Variants in SLC38A1 observed in about 807,000 individuals in gnomAD.
SLC38A1 encodes solute carrier family 38 member 1, also known as sodium-coupled neutral amino acid symporter 1.
SLC38A1 carries 18 observed loss-of-function variants against 60.3 expected under a neutral mutation model. That is an observed-to-expected ratio of 0.30 (90% CI 0.21 to 0.44). The LOEUF is 0.44. Among genes scored for constraint, SLC38A1 ranks in the 20% least tolerant of loss-of-function variants. SLC38A1 has a pLI of 1.00. For synonymous variants in SLC38A1, 196 were observed against 212.1 expected, an observed-to-expected ratio of 0.92 and a Z score of 0.66; for missense variants, 448 against 587.2, an observed-to-expected ratio of 0.76 and a Z score of 2.45.
intron 1 of SLC38A1, among the ~76,000 whole-genome samples, chr12:46,266,176 T>TCC (rs1942345891): frequency 6.6e-6 from 1 of 152,132 alleles, no homozygotes; most frequent in Non-Finnish European, 1.5e-5. Context: ...AACAAGTATT[T>TCC]ATTAAGCAGG....
chr12:46,264,300 A>T (rs1565802640), intron 1 of SLC38A1, among the ~76,000 whole-genome samples: 1 of 152,216 alleles, frequency 6.6e-6, no homozygotes, highest in South Asian at 2.1e-4. Flanking sequence ...TATTATTAGC[A>T]TTGGACAGAT....
intron 16 of SLC38A1, among the ~76,000 whole-genome samples, chr12:46,196,891 T>C (rs901055249): frequency 3.3e-5 from 5 of 152,158 alleles, no homozygotes; most frequent in African/African-American, 1.2e-4. Context: ...AGAATCCCAA[T>C]ATAGAAAGGT....
chr12:46,225,416 G>C (rs1940824126), intron 5 of SLC38A1, among the ~76,000 whole-genome samples: 1 of 152,166 alleles, frequency 6.6e-6, no homozygotes, highest in African/African-American at 2.4e-5. Context: ...TGAGAGACTA[G>C]GCACAATTTG....
At chr12:46,223,805 C>T (rs946805139) in intron 5 of SLC38A1, among the ~76,000 whole-genome samples, 2 of 152,058 alleles carry the variant, frequency 1.3e-5, no homozygotes, top group Non-Finnish European at 2.9e-5. Flanking sequence ...TGGTTTTCAA[C>T]TTAAGGACTA....
At chr12:46,217,114 T>C (rs1322506843) in intron 5 of SLC38A1, among the ~76,000 whole-genome samples, 1 of 152,214 alleles carries the variant, frequency 6.6e-6, no homozygotes, top group East Asian at 1.9e-4. Flanking sequence ...TCATTATATA[T>C]CAGGCCCTTT....
intron 16 of SLC38A1, among the ~76,000 whole-genome samples, chr12:46,197,188 C>T (rs1939414679): frequency 6.6e-6 from 1 of 152,052 alleles, no homozygotes; most frequent in African/African-American, 2.4e-5. Flanking sequence ...AGCTGAGGCA[C>T]AATAACAGTA....
At chr12:46,238,346 AAGG>A (rs1183073864) in intron 3 of SLC38A1, among the ~76,000 whole-genome samples, 2 of 152,184 alleles carry the variant, frequency 1.3e-5, no homozygotes, top group African/African-American at 4.8e-5. Context: ...AGGAGGAAAA[AAGG>A]AGAACATCTG....
chr12:46,246,195 G>A (rs1390723340), intron 1 of SLC38A1, among the ~76,000 whole-genome samples: 5 of 152,334 alleles, frequency 3.3e-5, no homozygotes, highest in African/African-American at 1.2e-4. Flanking sequence ...GGCGAAGCAG[G>A]GCGGGGTGTT....
At chr12:46,252,737 A>G (rs1378484889) in intron 1 of SLC38A1, among the ~76,000 whole-genome samples, 1 of 152,056 alleles carries the variant, frequency 6.6e-6, no homozygotes, top group African/African-American at 2.4e-5. Context: ...TTCTATGCAC[A>G]TAGAAATGTT....
chr12:46,235,910 C>CT (rs1161768979), intron 3 of SLC38A1, among the ~76,000 whole-genome samples: 4 of 152,096 alleles, frequency 2.6e-5, no homozygotes, highest in African/African-American at 9.7e-5. Flanking sequence ...CTGGGTACAC[C>CT]TAGAATAATC....
chr12:46,197,942 A>T lies in SLC38A1; in HGVS notation c.1241T>A (p.Met414Lys). ...INLLVIFIPS[M>K]KDIFGVVGVT... ...ACCTACGACTCCAAAAATATCCTTC[A>T]TGGAGGGTATGAAGATCACCAACAA... Residue 414 changes from methionine to lysine, a missense_variant, in exon 15 of 17, where the codon ATG becomes AAG. Coordinates refer to ENST00000398637, the MANE Select transcript of SLC38A1 (RefSeq NM_030674.4). 1 of 1,614,118 alleles carries T rather than the reference A, an allele frequency of 6.2e-7. No homozygotes were observed. The highest frequency in any genetic ancestry group is 8.5e-7 in the Non-Finnish European group (1 of 1,179,974).
In SLC38A1 at chr12:46,184,298, G is replaced by A. The variant is rs1938865019; in HGVS notation, c.*4672C>T. On this transcript the variant is annotated 3_prime_UTR_variant, in exon 17 of 17. Transcript: ENST00000398637. ...CTGTAATTTAGGGGAAGTATGTCCT[G>A]TTGCTAAAGGATTCTCAAACCTGCC... The A allele has an allele frequency of 6.6e-6, 1 of 152,120 alleles. No homozygotes were observed. The highest frequency in any genetic ancestry group is 1.5e-5 in the Non-Finnish European group (1 of 68,022). The allele number at this position is 152,120 out of a possible 1,614,324, so 9.4% of individuals were successfully genotyped here. A position where few individuals can be genotyped will look rare whatever the true frequency, so the allele number is the denominator to read the frequency against.
chr12:46,231,034 C>G (rs569798010), intron 3 of SLC38A1, among the ~76,000 whole-genome samples: 17 of 152,288 alleles, frequency 1.1e-4, no homozygotes, highest in Admixed American at 6.5e-4. Context: ...ATAGCAAAGT[C>G]ATGGAATCAA....
At chr12:46,261,186 A>T (rs1158428503) in intron 1 of SLC38A1, among the ~76,000 whole-genome samples, 1 of 152,186 alleles carries the variant, frequency 6.6e-6, no homozygotes, top group Non-Finnish European at 1.5e-5. Flanking sequence ...TTGCTTTTTT[A>T]AAAAATTCAA....
chr12:46,253,421 A>T (rs1175617731), intron 1 of SLC38A1, among the ~76,000 whole-genome samples: 1 of 152,176 alleles, frequency 6.6e-6, no homozygotes, highest in Non-Finnish European at 1.5e-5. Context: ...AACAAAGTGG[A>T]TTATTCATGC....
At chr12:46,247,052 T>A (rs1431942411) in intron 1 of SLC38A1, among the ~76,000 whole-genome samples, 1 of 151,828 alleles carries the variant, frequency 6.6e-6, no homozygotes, top group Non-Finnish European at 1.5e-5. Context: ...AGACCAAAGG[T>A]AGATAAAACC....
At chr12:46,225,732 C>A (rs751593828) in intron 5 of SLC38A1, among the ~76,000 whole-genome samples, 4 of 152,148 alleles carry the variant, frequency 2.6e-5, no homozygotes, top group Non-Finnish European at 4.4e-5. Flanking sequence ...GTTTTCCCCC[C>A]ATTCTTGAAG....
intron 1 of SLC38A1, among the ~76,000 whole-genome samples, chr12:46,256,634 C>CAGAGAG (rs538542582): frequency 7.9e-5 from 4 of 50,950 alleles, no homozygotes; most frequent in African/African-American, 3.6e-4. Flanking sequence ...CACACACACA[C>CAGAGAG]ACAGAGAGAG....
At chr12:46,244,518 C>A (rs1842124265) in intron 1 of SLC38A1, among the ~76,000 whole-genome samples, 1 of 152,198 alleles carries the variant, frequency 6.6e-6, no homozygotes, top group Admixed American at 6.5e-5. Flanking sequence ...GCAAGGCATC[C>A]ACTTTACTGG....
Sources: gnomAD v4.1 joint callset for allele counts (sites outside exome capture counted in the v4.1 genomes callset) on GRCh38, gnomAD v4.1.1 for gene constraint, MANE v1.5 for transcripts, NCBI Gene and HGNC (gene_info 2026-07-23, HGNC 2026-07-21) for gene names.